The following NCALD variants were observed in gnomAD, a reference collection of about 807,000 sequenced individuals.
The protein encoded by NCALD is neurocalcin delta.
A neutral mutation model predicts 18.6 loss-of-function variants in NCALD; 10 were observed. The ratio of observed to expected loss-of-function variants is 0.54; its 90% CI spans 0.33 to 0.91. The LOEUF (loss-of-function observed/expected upper bound fraction) is 0.91, where lower values mean the gene tolerates loss of function less well. Ranked by LOEUF, NCALD falls within the 40% of genes least tolerant of loss-of-function variation. The probability of loss-of-function intolerance (pLI) is 0.03; values close to 1 mark genes in which losing one functional copy is unlikely to be tolerated. For synonymous variants in NCALD, 88 were observed against 87.4 expected (o/e 1.01, Z -0.04); for missense variants, 184 against 247.6 (o/e 0.74, Z 1.72).
chr8:101,792,348 G>T (rs1039409510), upstream of NCALD, among the ~76,000 whole-genome samples: 3 of 152,136 alleles, frequency 2.0e-5, no homozygotes, highest in Middle Eastern at 3.2e-3. Context: ...CTTGGTCATA[G>T]AATCGTCCTA....
chr8:102,023,527 G>A (rs1293976994), intron 1 of NCALD, among the ~76,000 whole-genome samples: 3 of 152,164 alleles, frequency 2.0e-5, no homozygotes, highest in African/African-American at 4.8e-5. Flanking sequence ...ATTCCCAAGG[G>A]GGAATCTAGC....
intron 1 of NCALD, among the ~76,000 whole-genome samples, chr8:102,081,015 G>A (rs1303380329): frequency 6.6e-6 from 1 of 152,144 alleles, no homozygotes; most frequent in Non-Finnish European, 1.5e-5. Context: ...ATAATCACCT[G>A]CAGCACTTTG....
At chr8:102,029,383 G>A (rs1822584209) in intron 1 of NCALD, among the ~76,000 whole-genome samples, 1 of 152,200 alleles carries the variant, frequency 6.6e-6, no homozygotes, top group Non-Finnish European at 1.5e-5. Flanking sequence ...AAGACTGAAA[G>A]CCAGAGAATC....
intron 2 of NCALD, among the ~76,000 whole-genome samples, chr8:102,010,810 ATTGTGT>A (rs1821879037): frequency 6.6e-6 from 1 of 152,212 alleles, no homozygotes; most frequent in Non-Finnish European, 1.5e-5. Flanking sequence ...CCTCTTCTTC[ATTGTGT>A]TTGTGGGTGT....
intron 3 of NCALD, among the ~76,000 whole-genome samples, chr8:101,900,798 GTCAA>G (rs201362627): frequency 1.4e-4 from 22 of 151,986 alleles, no homozygotes; most frequent in Middle Eastern, 3.4e-3. Flanking sequence ...CATTTTGTTA[GTCAA>G]TTCTTCTGTT....
At chr8:101,699,501 G>T (rs1002986385) in intron 2 of NCALD, among the ~76,000 whole-genome samples, 1 of 152,160 alleles carries the variant, frequency 6.6e-6, no homozygotes, top group African/African-American at 2.4e-5. Context: ...GCAAAGATAT[G>T]TAATCAACCC....
chr8:101,988,190 G>GA lies in NCALD; in HGVS notation c.-157+32046dup, dbSNP rs1220338597. On this transcript the variant is annotated intron_variant, in intron 2 of 6. Coordinates refer to the NCALD transcript ENST00000311028. ...AAAGAAAAAAAAAAAGAAAAGAAAA[G>GA]AAAAAAAAAAGTAACTCCTAAGAAA... 1.3e-3 allele frequency among the ~76,000 whole-genome samples: 170 copies of GA among 134,266 alleles called. 2 individuals carry two copies. Among genetic ancestry groups the GA allele is most frequent in the African/African-American group, 4.5e-3 (160 of 35,646 alleles). The allele number at this position is 134,266 out of a possible 152,430, so 88.1% of individuals were successfully genotyped here. A position where few individuals can be genotyped will look rare whatever the true frequency, so the allele number is the denominator to read the frequency against.
At chr8:101,710,936 A>G (rs979435159) in intron 2 of NCALD, among the ~76,000 whole-genome samples, 2 of 152,128 alleles carry the variant, frequency 1.3e-5, no homozygotes, top group African/African-American at 4.8e-5. Flanking sequence ...CTGCCTCCTC[A>G]AGTGGGTCCC....
At chr8:101,842,120 T>A (rs1216506781) in intron 4 of NCALD, among the ~76,000 whole-genome samples, 1 of 152,196 alleles carries the variant, frequency 6.6e-6, no homozygotes, top group Non-Finnish European at 1.5e-5. Context: ...TCTTCCTGTG[T>A]CTTCACATGG....
At chr8:102,092,139 A>T (rs1484930895) in intron 1 of NCALD, among the ~76,000 whole-genome samples, 2 of 152,180 alleles carry the variant, frequency 1.3e-5, no homozygotes, top group Non-Finnish European at 1.5e-5. Flanking sequence ...GCCGGCCAAA[A>T]CCAAGATGGT....
intron 1 of NCALD, among the ~76,000 whole-genome samples, chr8:102,062,492 C>T (rs1288838478): frequency 1.3e-5 from 2 of 152,240 alleles, no homozygotes; most frequent in Non-Finnish European, 2.9e-5. Context: ...ATGACTAGCA[C>T]ATAGTAAGTG....
At chr8:101,804,679 TAATA>T (rs891966730) in intron 4 of NCALD, among the ~76,000 whole-genome samples, 2 of 75,146 alleles carry the variant, frequency 2.7e-5, no homozygotes, top group Admixed American at 2.9e-4. Flanking sequence ...ATAATATAAT[TAATA>T]AATTAATACC....
chr8:101,898,597 T>G (rs1177633470), intron 3 of NCALD, among the ~76,000 whole-genome samples: 2 of 152,136 alleles, frequency 1.3e-5, no homozygotes, highest in African/African-American at 2.4e-5. Context: ...AGTCCATAGG[T>G]ATTGAAGATT....
At chr8:101,990,465 C>G (rs1219772922) in intron 2 of NCALD, among the ~76,000 whole-genome samples, 1 of 152,214 alleles carries the variant, frequency 6.6e-6, no homozygotes, top group Admixed American at 6.5e-5. Context: ...CAAATCTCAT[C>G]TTGAATTGTA....
chr8:102,016,197 A>G (rs924934385), intron 2 of NCALD, among the ~76,000 whole-genome samples: 2 of 152,148 alleles, frequency 1.3e-5, no homozygotes, highest in Admixed American at 1.3e-4. Flanking sequence ...GCTGACACAA[A>G]TAAGAGGTCT....
intron 3 of NCALD, among the ~76,000 whole-genome samples, chr8:101,900,680 G>C (rs1358426254): frequency 1.3e-5 from 2 of 151,840 alleles, no homozygotes; most frequent in East Asian, 3.8e-4. Flanking sequence ...CTTTCTGTTG[G>C]GGATATCTAT....
At chr8:102,005,040 G>C (rs181037105) in intron 2 of NCALD, among the ~76,000 whole-genome samples, 4,256 of 152,230 alleles carry the variant, frequency 0.028, 99 homozygotes, top group East Asian at 0.092. Flanking sequence ...GGGATCTAAT[G>C]AAACTAAAGA....
Position 101,899,007 on chromosome 8 carries a change from A to C in NCALD, c.-106-11780T>G, listed in dbSNP as rs187931551. Among the ~76,000 whole-genome samples the C allele has an allele frequency of 2.2e-4, 33 of 152,150 alleles. 1 individual carries two copies. The highest frequency in any genetic ancestry group is 6.5e-4 in the Admixed American group (10 of 15,282). On this transcript the variant is annotated intron_variant, in intron 3 of 6. Transcript: ENST00000311028. ...CATCTTTACTAAGTTGACTCTTCCA[A>C]TCCACAAACACAAATCCAATCCACA...
chr8:101,976,468 T>C (rs1820426684), intron 2 of NCALD, among the ~76,000 whole-genome samples: 1 of 152,182 alleles, frequency 6.6e-6, no homozygotes, highest in Admixed American at 6.5e-5. Flanking sequence ...GATAAAATAA[T>C]TTATTTGACC....
Sources: allele counts gnomAD v4.1 joint callset (sites outside exome capture counted in the v4.1 genomes callset), GRCh38; gene constraint gnomAD v4.1.1; transcripts MANE v1.5; gene names NCBI Gene and HGNC (gene_info 2026-07-23, HGNC 2026-07-21).